The following FOXN3 variants were observed in gnomAD, a reference collection of about 807,000 sequenced individuals.
FOXN3 encodes forkhead box protein N3.
FOXN3 carries 7 observed loss-of-function variants against 38.4 expected under a neutral mutation model. The ratio of observed to expected loss-of-function variants is 0.18; its 90% confidence interval spans 0.10 to 0.34. The LOEUF is 0.34. FOXN3 is among the 10% of genes least tolerant of loss of function. The pLI is 1.00. For synonymous variants in FOXN3, 230 were observed against 242.2 expected (o/e 0.95, Z 0.47); for missense variants, 456 against 613.4 (o/e 0.74, Z 2.71).
intron 1 of FOXN3, among the ~76,000 whole-genome samples, chr14:89,433,719 G>A (rs972978695): frequency 2.0e-5 from 3 of 151,204 alleles, no homozygotes; most frequent in East Asian, 2.0e-4. Flanking sequence ...CAGTAGAATC[G>A]CTTGAATCCA....
chr14:89,313,960 T>C (rs1887649672), intron 3 of FOXN3, among the ~76,000 whole-genome samples: 1 of 152,016 alleles, frequency 6.6e-6, no homozygotes, highest in Non-Finnish European at 1.5e-5. Context: ...GAAAGTAGAA[T>C]GGTGGTTGCC....
At chr14:89,260,562 T>C (rs140967421) in intron 4 of FOXN3, among the ~76,000 whole-genome samples, 2 of 152,384 alleles carry the variant, frequency 1.3e-5, no homozygotes, top group East Asian at 3.9e-4. Context: ...GGGTCATGTG[T>C]ACGGCAATGG....
chr14:89,447,456 C>T (rs1379623856), intron 1 of FOXN3, among the ~76,000 whole-genome samples: 1 of 152,120 alleles, frequency 6.6e-6, no homozygotes, highest in African/African-American at 2.4e-5. Context: ...GAGGGCTAGA[C>T]TCAAAGTTCA....
chr14:89,297,454 GGAGGC>G, intron 3 of FOXN3, among the ~76,000 whole-genome samples: 1 of 151,938 alleles, frequency 6.6e-6, no homozygotes, highest in Non-Finnish European at 1.5e-5. Context: ...CAGCTACTCA[GGAGGC>G]TGAGGCGAGA....
intron 3 of FOXN3, among the ~76,000 whole-genome samples, chr14:89,321,926 C>A (rs1887909746): frequency 6.6e-6 from 1 of 152,136 alleles, no homozygotes; most frequent in South Asian, 2.1e-4. Context: ...TGTCTCACTG[C>A]CTTAAAGAAA....
intron 1 of FOXN3, among the ~76,000 whole-genome samples, chr14:89,469,876 CAG>C: frequency 6.6e-6 from 1 of 152,374 alleles, no homozygotes; most frequent in South Asian, 2.1e-4. Flanking sequence ...GCAACACAAA[CAG>C]AGGATCCTGG....
At chr14:89,550,385 GCAAA>G (rs1894978421) in intron 1 of FOXN3, among the ~76,000 whole-genome samples, 1 of 152,170 alleles carries the variant, frequency 6.6e-6, no homozygotes, top group Admixed American at 6.5e-5. Flanking sequence ...ACAGTGCACA[GCAAA>G]CACTTCCAGT....
In FOXN3 at chr14:89,484,559, C is replaced by T. The variant is rs114257021; in HGVS notation, c.-14-72069G>A. On this transcript the variant is annotated intron_variant, in intron 1 of 6. Coordinates refer to the FOXN3 transcript ENST00000345097. The surrounding 1 kb of genome is among the most constrained non-coding windows in gnomAD (Gnocchi z 4.0). ...AGTACATTGGCGATGCACAGACAGG[C>T]GGCAGGCAGTATTTGGCCCCTGGGC... is the stretch of plus-strand genomic sequence containing the variant. Among the ~76,000 whole-genome samples the T allele has an allele frequency of 0.01, 1,598 of 152,330 alleles. 25 individuals are homozygous for T. The highest frequency in any genetic ancestry group is 0.037 in the African/African-American group (1,546 of 41,578).
At chr14:89,290,919 A>C in intron 3 of FOXN3, 1 of 303,158 alleles carries the variant, frequency 3.3e-6, no homozygotes, top group South Asian at 3.2e-5. Context: ...GGTGAGGAGG[A>C]TGTGGAGAAA....
At chr14:89,257,216 C>A (rs1885651717) in intron 4 of FOXN3, among the ~76,000 whole-genome samples, 1 of 152,220 alleles carries the variant, frequency 6.6e-6, no homozygotes, top group Non-Finnish European at 1.5e-5. Flanking sequence ...GTCCCACCAC[C>A]TTCCATGAGG....
intron 5 of FOXN3, among the ~76,000 whole-genome samples, chr14:89,167,388 G>A (rs1887270086): frequency 6.6e-6 from 1 of 152,228 alleles, no homozygotes; most frequent in African/African-American, 2.4e-5. Context: ...GGTGCACTAG[G>A]AGTCTCTCTG....
intron 1 of FOXN3, among the ~76,000 whole-genome samples, chr14:89,478,990 A>G (rs891122041): frequency 4.7e-5 from 7 of 149,302 alleles, no homozygotes; most frequent in African/African-American, 1.7e-4. Flanking sequence ...CCCTACCCCT[A>G]TTTTACAGAT....
At chr14:89,455,966 C>T (rs1441720337) in intron 1 of FOXN3, among the ~76,000 whole-genome samples, 8 of 151,448 alleles carry the variant, frequency 5.3e-5, no homozygotes, top group African/African-American at 1.7e-4. Context: ...GAGGCCAAGG[C>T]GGGCAGATCA....
chr14:89,394,421 G>A (rs912721838), intron 2 of FOXN3, among the ~76,000 whole-genome samples: 4 of 151,880 alleles, frequency 2.6e-5, no homozygotes, highest in Non-Finnish European at 4.4e-5. Flanking sequence ...TGGCCAGGCT[G>A]GTCTCGAACT....
chr14:89,534,100 C>CTTT (rs79800046), intron 1 of FOXN3, among the ~76,000 whole-genome samples: 158 of 113,816 alleles, frequency 1.4e-3, no homozygotes, highest in African/African-American at 2.0e-3. Context: ...ATTATACATT[C>CTTT]TTTTTTTTTT....
intron 3 of FOXN3, among the ~76,000 whole-genome samples, chr14:89,316,165 C>T (rs542016032): frequency 6.6e-6 from 1 of 152,294 alleles, no homozygotes; most frequent in Admixed American, 6.5e-5. Flanking sequence ...GGCTTGCTTT[C>T]TCTTGTTGCT....
intron 3 of FOXN3, among the ~76,000 whole-genome samples, chr14:89,340,554 T>C (rs1414643566): frequency 6.6e-6 from 1 of 152,140 alleles, no homozygotes; most frequent in East Asian, 1.9e-4. Context: ...ACACGAACCT[T>C]ATGTAAGAAA....
At chr14:89,246,426 C>T (rs925432159) in intron 4 of FOXN3, among the ~76,000 whole-genome samples, 17 of 152,014 alleles carry the variant, frequency 1.1e-4, no homozygotes, top group Admixed American at 7.9e-4. Context: ...TCACAGGCTC[C>T]GAGTTCTGAG....
intron 2 of FOXN3, among the ~76,000 whole-genome samples, chr14:89,410,156 C>A (rs796446880): frequency 6.7e-6 from 1 of 149,822 alleles, no homozygotes; most frequent in Non-Finnish European, 1.5e-5. Flanking sequence ...CACACAAACA[C>A]GTCCAATTTG....
Sources: allele counts gnomAD v4.1 joint callset (sites outside exome capture counted in the v4.1 genomes callset), GRCh38; gene constraint gnomAD v4.1.1; non-coding constraint Gnocchi (gnomAD v3.1); transcripts MANE v1.5; gene names NCBI Gene and HGNC (gene_info 2026-07-23, HGNC 2026-07-21).